NFIX: variants seen among roughly 807,000 people sequenced by gnomAD.
NFIX encodes the protein nuclear factor 1 X-type.
A neutral mutation model predicts 53.3 loss-of-function variants in NFIX; 2 were observed. The observed-to-expected ratio is 0.04, with a 90% CI of 0.02 to 0.12. The LOEUF is 0.12. Among genes scored for constraint, NFIX ranks in the 10% least tolerant of loss-of-function variants. NFIX has a pLI of 1.00. For synonymous variants in NFIX, 244 were observed against 289.0 expected, an observed-to-expected ratio of 0.84 and a Z score of 1.58; for missense variants, 310 against 674.5, an observed-to-expected ratio of 0.46 and a Z score of 5.99.
chr19:13,056,281 G>T (rs2015688445), intron 2 of NFIX, among the ~76,000 whole-genome samples: 1 of 152,200 alleles, frequency 6.6e-6, no homozygotes, highest in South Asian at 2.1e-4. Flanking sequence ...TGCCTCACGG[G>T]GAGGAGCTTG....
chr19:13,029,051 T>C (rs1281119611), intron 2 of NFIX, among the ~76,000 whole-genome samples: 1 of 152,230 alleles, frequency 6.6e-6, no homozygotes, highest in African/African-American at 2.4e-5. Context: ...GTCCAGGTAT[T>C]TGAGTGGTGG....
intron 2 of NFIX, among the ~76,000 whole-genome samples, chr19:13,062,757 A>C (rs1362497421): frequency 6.6e-6 from 1 of 152,346 alleles, no homozygotes; most frequent in African/African-American, 2.4e-5. Flanking sequence ...TTGCTTGTCC[A>C]TGAGCCCAGG....
intron 1 of NFIX, chr19:13,024,016 C>T (rs533685763): frequency 2.4e-5 from 33 of 1,397,918 alleles, no homozygotes; most frequent in Admixed American, 4.4e-5. Flanking sequence ...TGGGCTTTGC[C>T]GGGTGCTTCA....
rs1323049682 is a variant in NFIX, at chr19:13,094,534, G to A, written c.1495-101G>A. 1 of 1,256,898 alleles carries A rather than the reference G, an allele frequency of 8.0e-7. No homozygotes were observed. Among genetic ancestry groups the A allele is most frequent in the Middle Eastern group, 2.3e-4 (1 of 4,352 alleles). The allele number at this position is 1,256,898 out of a possible 1,614,324, so 77.9% of individuals were successfully genotyped here. ...GGCTGCCCGGCACCCTGGCTCTTTG[G>A]GAGCTGGACCCTTGAGGGGCCAGGT... is the stretch of plus-strand genomic sequence containing the variant. On this transcript the variant is annotated intron_variant, in intron 10 of 10. Coordinates refer to ENST00000592199, the MANE Select transcript of NFIX (RefSeq NM_001365902.3). This position sits in a 1 kb window ranked among gnomAD's most constrained non-coding sequence, Gnocchi z 4.3.
In NFIX at chr19:13,081,958, C is replaced by T. The variant is rs1599862639; in HGVS notation, c.1254+103C>T. ...GAGGGCCCAAAAGCCAGGAGCCCAC[C>T]TGGGGCTGGAGCAGCAGGGAGCTGG... On this transcript the variant is annotated intron_variant, in intron 8 of 10. Coordinates refer to ENST00000592199, the MANE Select transcript of NFIX (RefSeq NM_001365902.3). The surrounding 1 kb of genome is among the most constrained non-coding windows in gnomAD (Gnocchi z 4.7). 7.1e-7 allele frequency: 1 copy of T among 1,404,942 alleles called. No individual in the cohort carries two copies. Among genetic ancestry groups the T allele is most frequent in the East Asian group, 2.4e-5 (1 of 40,978 alleles). 87.0% of individuals were successfully genotyped at this position (1,404,942 alleles called of 1,614,324 possible). A position where few individuals can be genotyped will look rare whatever the true frequency, so the allele number is the denominator to read the frequency against.
rs996083566 is a variant in NFIX, at chr19:13,068,694, G to A, written c.560-4353G>A. 1.3e-5 allele frequency among the ~76,000 whole-genome samples: 2 copies of A among 152,230 alleles called. No individual in the cohort carries two copies. The highest frequency in any genetic ancestry group is 3.8e-4 in the East Asian group (2 of 5,196). ...AAGGCTTCTTCAGCAGAGCCCACTTGGGCCCATGCGGAGGGAGTCCAGTCT... is the reference window on the plus strand; with the variant it reads ...AAGGCTTCTTCAGCAGAGCCCACTTAGGCCCATGCGGAGGGAGTCCAGTCT... On this transcript the variant is annotated intron_variant, in intron 2 of 10. Coordinates refer to ENST00000592199, the MANE Select transcript of NFIX (RefSeq NM_001365902.3). The surrounding 1 kb of genome is among the most constrained non-coding windows in gnomAD (Gnocchi z 4.2).
At chr19:13,084,781 A>T (rs1008099959) in intron 8 of NFIX, among the ~76,000 whole-genome samples, 6 of 152,174 alleles carry the variant, frequency 3.9e-5, no homozygotes, top group Non-Finnish European at 8.8e-5. Context: ...GGTGAAAGTG[A>T]GGAGCTGGTC....
intron 1 of NFIX, among the ~76,000 whole-genome samples, chr19:13,000,484 A>G (rs1599699204): frequency 1.3e-5 from 2 of 149,132 alleles, no homozygotes; most frequent in African/African-American, 5.0e-5. Context: ...CAGCTCTTTT[A>G]CCTTTGGATG....
chr19:13,082,867 C>T (rs1047391271), intron 8 of NFIX, among the ~76,000 whole-genome samples: 31 of 152,232 alleles, frequency 2.0e-4, no homozygotes, highest in African/African-American at 6.5e-4. Flanking sequence ...AAAGGCATCC[C>T]GGAAGCCCAC....
intron 2 of NFIX, among the ~76,000 whole-genome samples, chr19:13,033,564 G>A (rs2013971080): frequency 6.6e-6 from 1 of 152,196 alleles, no homozygotes; most frequent in Non-Finnish European, 1.5e-5. Flanking sequence ...TAACTTAAGG[G>A]GCACCTGTTT....
intron 2 of NFIX, among the ~76,000 whole-genome samples, chr19:13,065,221 C>G (rs986290608): frequency 3.3e-5 from 5 of 152,184 alleles, no homozygotes; most frequent in African/African-American, 9.7e-5. Context: ...AGGCTCCAGA[C>G]CAAGGGCACC....
At chr19:13,008,395 G>T (rs1414231309) in intron 1 of NFIX, among the ~76,000 whole-genome samples, 2 of 152,170 alleles carry the variant, frequency 1.3e-5, no homozygotes, top group African/African-American at 4.8e-5. Context: ...TCCAGTGTCG[G>T]CAGGCATTTC....
At position 13,097,837 on chromosome 19, in the gene NFIX, C is replaced by T. The variant is rs2018551551; in HGVS notation, c.*3188C>T. On this transcript the variant is annotated 3_prime_UTR_variant, in exon 11 of 11. Transcript: ENST00000592199. ...CCCCCTTTCCCGGCGCCCCTCCCGC[C>T]CCCATTCAACATCTCTCATCCTATC... The T allele has an allele frequency of 6.6e-6, 1 of 152,592 alleles. No individual in the cohort carries two copies. Among genetic ancestry groups the T allele is most frequent in the South Asian group, 2.1e-4 (1 of 4,832 alleles). 9.5% of individuals were successfully genotyped at this position (152,592 alleles called of 1,614,324 possible). A position where few individuals can be genotyped will look rare whatever the true frequency, so the allele number is the denominator to read the frequency against.
intron 1 of NFIX, chr19:13,024,539 G>A (rs2013160831): frequency 2.6e-6 from 4 of 1,527,006 alleles, no homozygotes; most frequent in Middle Eastern, 1.8e-4. Flanking sequence ...GACCAGAGGC[G>A]GCCCCGCACG....
intron 2 of NFIX, among the ~76,000 whole-genome samples, chr19:13,064,360 G>A (rs2145387901): frequency 6.6e-6 from 1 of 152,340 alleles, no homozygotes; most frequent in African/African-American, 2.4e-5. Context: ...TCAGCTCTCT[G>A]TATTCCAAGG....
At chr19:13,031,656 G>T (rs1055039896) in intron 2 of NFIX, among the ~76,000 whole-genome samples, 13 of 152,186 alleles carry the variant, frequency 8.5e-5, no homozygotes, top group African/African-American at 1.4e-4. Flanking sequence ...TCCCGTAGGC[G>T]TAGGCGTGAA....
At chr19:13,075,447 T>G (rs945873082) in intron 5 of NFIX, 88 bp from the exon 6 acceptor site, 8 of 1,462,470 alleles carry the variant, frequency 5.5e-6, no homozygotes, top group Non-Finnish European at 7.5e-6. Context: ...GAGGGCCATC[T>G]ATGCACAGTT....
chr19:13,061,456 G>A (rs978973361), intron 2 of NFIX, among the ~76,000 whole-genome samples: 1 of 152,232 alleles, frequency 6.6e-6, no homozygotes, highest in African/African-American at 2.4e-5. Flanking sequence ...GGTATGCAGA[G>A]GGAACCACAT....
At chr19:13,082,111 C>T (rs1700846645) in intron 8 of NFIX, 1 of 511,426 alleles carries the variant, frequency 2.0e-6, no homozygotes, top group African/African-American at 1.9e-5. Context: ...GGCTCCTTGC[C>T]TTTCCCATGG....
Sources: gnomAD v4.1 joint callset for allele counts (sites outside exome capture counted in the v4.1 genomes callset) on GRCh38, gnomAD v4.1.1 for gene constraint, Gnocchi (gnomAD v3.1) non-coding constraint, MANE v1.5 for transcripts, NCBI Gene and HGNC (gene_info 2026-07-23, HGNC 2026-07-21) for gene names.